R3HDM1: variants seen among roughly 807,000 people sequenced by gnomAD.
R3HDM1 encodes the protein R3H domain containing 1, also known as R3H domain-containing protein 1.
A neutral mutation model predicts 141.1 loss-of-function variants in R3HDM1; 46 were observed. That is an observed-to-expected ratio of 0.33 (90% CI 0.26 to 0.42). The LOEUF (loss-of-function observed/expected upper bound fraction) is 0.42, where lower values mean the gene tolerates loss of function less well. R3HDM1 is among the 10% of genes least tolerant of loss of function. The pLI is 1.00. For synonymous variants in R3HDM1, 435 were observed against 472.9 expected, an observed-to-expected ratio of 0.92 and a Z score of 1.04; for missense variants, 1,184 against 1,368.3, an observed-to-expected ratio of 0.87 and a Z score of 2.12.
intron 2 of R3HDM1, among the ~76,000 whole-genome samples, chr2:135,603,108 A>C (rs1282245741): frequency 6.6e-6 from 1 of 152,072 alleles, no homozygotes; most frequent in African/African-American, 2.4e-5. Flanking sequence ...CAGCCTCCCA[A>C]GTAGCTGGGA....
intron 18 of R3HDM1, among the ~76,000 whole-genome samples, chr2:135,655,763 G>C (rs186524751): frequency 6.6e-6 from 1 of 151,840 alleles, no homozygotes; most frequent in African/African-American, 2.4e-5. Flanking sequence ...CAAAGTGCTG[G>C]GATTACAGAT....
At chr2:135,666,915 C>T (rs1169141288) in intron 19 of R3HDM1, among the ~76,000 whole-genome samples, 2 of 112,994 alleles carry the variant, frequency 1.8e-5, no homozygotes, top group Non-Finnish European at 3.2e-5. Context: ...TAAAATGGCT[C>T]ATCTTTAAAA....
At chr2:135,628,995 T>G (rs1310280575) in intron 7 of R3HDM1, among the ~76,000 whole-genome samples, 2 of 152,078 alleles carry the variant, frequency 1.3e-5, no homozygotes, top group African/African-American at 4.8e-5. Context: ...TAAAAGTTAC[T>G]GAAAATACTG....
chr2:135,721,210 A>C (rs1451168988), intron 24 of R3HDM1, among the ~76,000 whole-genome samples: 1 of 152,244 alleles, frequency 6.6e-6, no homozygotes, highest in Non-Finnish European at 1.5e-5. Flanking sequence ...TTAGCCAAGC[A>C]TGGTGGCTTG....
At position 135,531,610 on chromosome 2, in the gene R3HDM1, GC is replaced by G. The variant is rs1222805609; in HGVS notation, c.-271del. The G allele has an allele frequency of 1.0e-6, 1 of 986,762 alleles. No homozygotes were observed. The highest frequency in any genetic ancestry group is 1.7e-5 in the African/African-American group (1 of 57,196). The allele number at this position is 986,762 out of a possible 1,614,324, so 61.1% of individuals were successfully genotyped here. On this transcript the variant is annotated 5_prime_UTR_variant, in exon 1 of 27. It removes the in-frame stop codon of an upstream open reading frame in the 5' UTR. Transcript: ENST00000683871. Reference sequence around the variant, plus strand: ...CGCCCCGCCGCGCCGCGCTCCAACCGCCTCCTCCTCCTCAGTAACGCGGGTA... The same window carrying G: ...CGCCCCGCCGCGCCGCGCTCCAACCGCTCCTCCTCCTCAGTAACGCGGGTA...
At chr2:135,604,519 C>A (rs1374404385) in intron 2 of R3HDM1, among the ~76,000 whole-genome samples, 7 of 152,284 alleles carry the variant, frequency 4.6e-5, no homozygotes, top group African/African-American at 1.7e-4. Context: ...TTGGCCTCTG[C>A]CTCCTGGACT....
At chr2:135,648,043 T>G (rs1320572211) in intron 16 of R3HDM1, among the ~76,000 whole-genome samples, 1 of 152,242 alleles carries the variant, frequency 6.6e-6, no homozygotes, top group East Asian at 1.9e-4. Context: ...TCAAGTCATC[T>G]GAAAGTTATG....
chr2:135,611,064 A>G (rs1178988818), intron 3 of R3HDM1, among the ~76,000 whole-genome samples: 1 of 150,878 alleles, frequency 6.6e-6, no homozygotes, highest in Non-Finnish European at 1.5e-5. Flanking sequence ...GGATTGCACC[A>G]GTGCACTCCA....
At chr2:135,561,147 C>T (rs1187622167) in intron 1 of R3HDM1, 1 of 234,122 alleles carries the variant, frequency 4.3e-6, no homozygotes, top group Non-Finnish European at 7.0e-6. Flanking sequence ...AACTGTCTGA[C>T]TCCGTCAGAT....
chr2:135,664,704 G>A (rs1233510153), intron 19 of R3HDM1, among the ~76,000 whole-genome samples: 3 of 152,212 alleles, frequency 2.0e-5, no homozygotes, highest in Non-Finnish European at 2.9e-5. Context: ...GGAAATGAAT[G>A]TACTAGTCTT....
chr2:135,687,190 G>T, intron 21 of R3HDM1, among the ~76,000 whole-genome samples: 1 of 152,204 alleles, frequency 6.6e-6, no homozygotes, highest in Non-Finnish European at 1.5e-5. Flanking sequence ...GCAAAATTCT[G>T]TCTCAAAAAT....
intron 7 of R3HDM1, among the ~76,000 whole-genome samples, chr2:135,631,270 G>C (rs2062688268): frequency 6.6e-6 from 1 of 152,016 alleles, no homozygotes; most frequent in African/African-American, 2.4e-5. Context: ...CTGTTCTTCT[G>C]CTTCCTCTCC....
chr2:135,625,680 C>A (rs1460894122), intron 7 of R3HDM1, among the ~76,000 whole-genome samples: 1 of 152,100 alleles, frequency 6.6e-6, no homozygotes, highest in Non-Finnish European at 1.5e-5. Flanking sequence ...GTTGGGACTT[C>A]AGCCCCTGCT....
intron 20 of R3HDM1, among the ~76,000 whole-genome samples, chr2:135,676,865 A>C (rs2069266842): frequency 6.6e-6 from 1 of 152,212 alleles, no homozygotes; most frequent in Admixed American, 6.5e-5. Context: ...AGGAGAGAAT[A>C]GCCTAGTTGG....
intron 1 of R3HDM1, among the ~76,000 whole-genome samples, chr2:135,547,991 C>T (rs1271017458): frequency 6.6e-6 from 1 of 152,004 alleles, no homozygotes; most frequent in African/African-American, 2.4e-5. Context: ...ACAGGATGGT[C>T]TCGATCTCCT....
At chr2:135,670,377 C>T (rs2068159531) in intron 19 of R3HDM1, 2 of 978,370 alleles carry the variant, frequency 2.0e-6, no homozygotes, top group Non-Finnish European at 2.4e-6. Flanking sequence ...ATGCCTTCAT[C>T]CTGAAAGTAC....
At chr2:135,558,772 C>G (rs1264522141) in intron 1 of R3HDM1, among the ~76,000 whole-genome samples, 3 of 152,038 alleles carry the variant, frequency 2.0e-5, no homozygotes, top group Non-Finnish European at 4.4e-5. Flanking sequence ...TCAGTACTGT[C>G]TTGGCAATTT....
chr2:135,560,993 GT>G, intron 1 of R3HDM1, among the ~76,000 whole-genome samples: 1 of 152,324 alleles, frequency 6.6e-6, no homozygotes, highest in South Asian at 2.1e-4. Flanking sequence ...ACAGGCCCTA[GT>G]TTACTAACTT....
At chr2:135,686,071 T>C (rs183872855) in intron 21 of R3HDM1, among the ~76,000 whole-genome samples, 1 of 152,296 alleles carries the variant, frequency 6.6e-6, no homozygotes, top group African/African-American at 2.4e-5. Flanking sequence ...GAAAGGATGC[T>C]TGATATCACT....
Sources: allele counts gnomAD v4.1 joint callset (sites outside exome capture counted in the v4.1 genomes callset), GRCh38; gene constraint gnomAD v4.1.1; transcripts MANE v1.5; gene names NCBI Gene and HGNC (gene_info 2026-07-23, HGNC 2026-07-21).